The following AREL1 variants were observed in gnomAD, a reference collection of about 807,000 sequenced individuals.
AREL1 encodes apoptosis resistant E3 ubiquitin protein ligase 1.
Under a neutral mutation model 99.0 loss-of-function variants are expected in AREL1, and 62 were observed. The observed-to-expected ratio is 0.63, with a 90% CI of 0.51 to 0.77. The LOEUF is 0.77. Among genes scored for constraint, AREL1 ranks in the 30% least tolerant of loss-of-function variants. The pLI, the probability that AREL1 is intolerant of heterozygous loss-of-function variation, is 0.00. For synonymous variants in AREL1, 380 were observed against 376.5 expected (o/e 1.01, Z -0.11); for missense variants, 879 against 1,027.6 (o/e 0.86, Z 1.98).
Position 74,667,511 on chromosome 14 carries a change from A to G in AREL1, c.1998T>C (p.Tyr666=). 6.2e-7 allele frequency: 1 copy of G among 1,613,872 alleles called. No individual in the cohort carries two copies. The highest frequency in any genetic ancestry group is 8.5e-7 in the Non-Finnish European group (1 of 1,179,882). Residue 666 remains tyrosine (Y), a synonymous_variant, in exon 16 of 20, where the codon TAT becomes TAC. Coordinates refer to ENST00000356357, the MANE Select transcript of AREL1 (RefSeq NM_001039479.2). The stretch of plus-strand genomic sequence containing the variant: ...CCTCTTTCACTTGACTGGCCAGCCG[A>G]TATTGGGCCAGCAAATTTAAATAGA... ...KIFYLNLLAQ[Y]RLASQVKEEV...
intron 1 of AREL1, among the ~76,000 whole-genome samples, chr14:74,694,199 T>A (rs2089936644): frequency 6.6e-6 from 1 of 151,700 alleles, no homozygotes; most frequent in Non-Finnish European, 1.5e-5. Flanking sequence ...AATAAATAAA[T>A]AAATAATGCC....
chr14:74,670,447 A>C (rs1315945903), intron 13 of AREL1, among the ~76,000 whole-genome samples: 1 of 152,182 alleles, frequency 6.6e-6, no homozygotes, highest in Admixed American at 6.5e-5. Flanking sequence ...CTAGACAAAG[A>C]TCTAGTACAG....
In AREL1 at chr14:74,713,073, G is replaced by T. The variant is rs760219444; in HGVS notation, c.-474C>A. On this transcript the variant is annotated 5_prime_UTR_variant, in exon 1 of 20. Coordinates refer to ENST00000356357, the MANE Select transcript of AREL1 (RefSeq NM_001039479.2). ...CTCCACCCGGCCTGGGAACCGGCTC[G>T]GGGGATTGCCCTTTCCCCAAGGAGT... 4 of 1,577,266 alleles carry T rather than the reference G, an allele frequency of 2.5e-6. No individual in the cohort carries two copies. Among genetic ancestry groups the T allele is most frequent in the Non-Finnish European group, 2.6e-6 (3 of 1,148,746 alleles).
Position 74,664,181 on chromosome 14 carries a change from G to A in AREL1, c.2194-107C>T, listed in dbSNP as rs144965485. 48 of 1,245,746 alleles carry A rather than the reference G, an allele frequency of 3.9e-5. No homozygotes were observed. In the East Asian group the frequency reaches 4.3e-4, roughly 11 times the overall value. 77.2% of individuals were successfully genotyped at this position (1,245,746 alleles called of 1,614,324 possible). ...AAAGTGGGGCTGTGCCCCAGTTACC[G>A]TTCTATGAGGACACAGGGTAGGAAC... On this transcript the variant is annotated intron_variant, in intron 18 of 19. Coordinates refer to ENST00000356357, the MANE Select transcript of AREL1 (RefSeq NM_001039479.2).
chr14:74,677,194 C>A (rs1254481670), intron 5 of AREL1, among the ~76,000 whole-genome samples: 2 of 151,698 alleles, frequency 1.3e-5, no homozygotes, highest in Non-Finnish European at 2.9e-5. Context: ...GGATAAATAA[C>A]ACTATCAAGA....
intron 2 of AREL1, 36 bp from the exon 3 acceptor site, chr14:74,685,696 ACT>A: frequency 1.3e-6 from 2 of 1,572,458 alleles, no homozygotes; most frequent in South Asian, 2.2e-5. Context: ...TTTGTCTCCA[ACT>A]CTGCCTCATA....
In AREL1 at chr14:74,662,062, G is replaced by A. The variant is rs2089092871; in HGVS notation, c.*1658C>T. 1 of 152,936 alleles carries A rather than the reference G, an allele frequency of 6.5e-6. No homozygotes were observed. Among genetic ancestry groups the A allele is most frequent in the African/African-American group, 2.4e-5 (1 of 41,460 alleles). The allele number at this position is 152,936 out of a possible 1,614,324, so 9.5% of individuals were successfully genotyped here. A position where few individuals can be genotyped will look rare whatever the true frequency, so the allele number is the denominator to read the frequency against. ...GCAGCAGCACCTTGTCCTGGTCCCT[G>A]AGGAGAGCAGTGACCATGTGGCATG... is the stretch of plus-strand genomic sequence containing the variant. On this transcript the variant is annotated 3_prime_UTR_variant, in exon 20 of 20. Coordinates refer to ENST00000356357, the MANE Select transcript of AREL1 (RefSeq NM_001039479.2).
Position 74,673,961 on chromosome 14 carries a change from G to GA in AREL1, c.1158+72dup, listed in dbSNP as rs1228088288. ...GCAGAAACACTAAAAGTGCTTCTGA[G>GA]AAAAAATAAAAGGCTGAGATAGTCC... is the stretch of plus-strand genomic sequence containing the variant. On this transcript the variant is annotated intron_variant, in intron 9 of 19. Transcript: ENST00000356357. The GA allele has an allele frequency of 4.4e-5, 60 of 1,359,896 alleles. No individual in the cohort carries two copies. In the African/African-American group the frequency reaches 8.1e-4, roughly 18 times the overall value. The allele number at this position is 1,359,896 out of a possible 1,614,324, so 84.2% of individuals were successfully genotyped here.
At chr14:74,700,432 G>A (rs1266723018) in intron 1 of AREL1, among the ~76,000 whole-genome samples, 1 of 152,108 alleles carries the variant, frequency 6.6e-6, no homozygotes, top group Admixed American at 6.5e-5. Flanking sequence ...TTCCAGAAGG[G>A]GGGAAAAAGA....
chr14:74,672,084 T>C (rs577930011), intron 11 of AREL1: 3 of 416,096 alleles, frequency 7.2e-6, no homozygotes, highest in East Asian at 7.7e-5. Flanking sequence ...CAGGTGTTCC[T>C]TTTCCATCAG....
intron 5 of AREL1, among the ~76,000 whole-genome samples, chr14:74,677,981 T>C (rs1223803047): frequency 6.6e-6 from 1 of 152,106 alleles, no homozygotes; most frequent in Non-Finnish European, 1.5e-5. Context: ...AATGGAGACA[T>C]GTTTATGGAA....
At position 74,670,106 on chromosome 14, in the gene AREL1, G is replaced by C. The variant is rs774670383; in HGVS notation, c.1629C>G (p.Arg543=). The change falls in exon 14 of 20, where the codon CGC becomes CGG. Residue 543 remains arginine, a synonymous_variant. Coordinates refer to ENST00000356357, the MANE Select transcript of AREL1 (RefSeq NM_001039479.2). ...NQALVHPNPN[R]PAHLRLKMYE... ...ACATTTTCAGGCGCAGATGAGCGGG[G>C]CGATTAGGGTTGGGATGCACCTGTC... 5 of 1,611,294 alleles carry C rather than the reference G, an allele frequency of 3.1e-6. No homozygotes were observed. The South Asian group carries it at 4.4e-5, about 14-fold the overall frequency.
chr14:74,683,769 T>C (rs948486179), intron 4 of AREL1, among the ~76,000 whole-genome samples: 4 of 152,152 alleles, frequency 2.6e-5, no homozygotes, highest in African/African-American at 9.7e-5. Context: ...AGGACAAGGG[T>C]AGAATTTACC....
Position 74,661,405 on chromosome 14 carries a change from C to T in AREL1, c.*2315G>A, listed in dbSNP as rs2089073563. 6.7e-6 allele frequency: 3 copies of T among 449,522 alleles called. No homozygotes were observed. Among genetic ancestry groups the T allele is most frequent in the Admixed American group, 2.4e-5 (1 of 41,564 alleles). The allele number at this position is 449,522 out of a possible 1,614,324, so 27.8% of individuals were successfully genotyped here. A position where few individuals can be genotyped will look rare whatever the true frequency, so the allele number is the denominator to read the frequency against. ...ATGCTGACACTCTCCTAGGTATTCA[C>T]TCATGTCTGGTCTCCTTCAAAGACG... On this transcript the variant is annotated 3_prime_UTR_variant, in exon 20 of 20. Transcript: ENST00000356357.
chr14:74,685,752 A>T, intron 2 of AREL1, 92 bp from the exon 3 acceptor site: 4 of 1,078,094 alleles, frequency 3.7e-6, no homozygotes, highest in Non-Finnish European at 5.5e-6. Flanking sequence ...GCGTGAGCCA[A>T]ACAACTCTCT....
rs746043990 is a variant in AREL1, at chr14:74,674,089, T to C, written c.1103A>G (p.Tyr368Cys). The C allele has an allele frequency of 4.3e-6, 7 of 1,613,670 alleles. No individual in the cohort carries two copies. The highest frequency in any genetic ancestry group is 8.5e-7 in the Non-Finnish European group (1 of 1,179,754). Residue 368 changes from tyrosine (Y) to cysteine (C), a missense_variant, in exon 9 of 20, where the codon TAC (tyrosine) becomes TGC (cysteine). Physicochemically the swap from Tyr to Cys is radical, Grantham distance 194. Coordinates refer to ENST00000356357, the MANE Select transcript of AREL1 (RefSeq NM_001039479.2). Reference sequence around the variant, plus strand: ...AAGGCGCCAGGGGATGATCTTCAGGTAGAACTCCTTCACTGAGAATTGCTG... The same window carrying C: ...AAGGCGCCAGGGGATGATCTTCAGGCAGAACTCCTTCACTGAGAATTGCTG... ...SPKQFSVKEF[Y>C]LKIIPWRLYT...
In AREL1 at chr14:74,672,810, CAG is replaced by C. The variant is rs750896343; in HGVS notation, c.1422+19_1422+20del. 1 of 1,613,836 alleles carries C rather than the reference CAG, an allele frequency of 6.2e-7. No homozygotes were observed. Among genetic ancestry groups the C allele is most frequent in the Non-Finnish European group, 8.5e-7 (1 of 1,179,854 alleles). ...ATTGGAAAACTTTGGTATCTGCTGA[CAG>C]AGATGAAATTTTACCTACCGATTCC... On this transcript the variant is annotated intron_variant, in intron 11 of 19. Transcript: ENST00000356357.
intron 18 of AREL1, 82 bp downstream of exon 18, chr14:74,664,754 C>T (rs1159411348): frequency 2.6e-5 from 32 of 1,223,854 alleles, no homozygotes; most frequent in South Asian, 1.7e-4. Context: ...CCACTGCGCC[C>T]GGCCTCCTCT....
chr14:74,707,332 C>T (rs1295499409), intron 1 of AREL1, among the ~76,000 whole-genome samples: 1 of 150,826 alleles, frequency 6.6e-6, no homozygotes, highest in South Asian at 2.1e-4. Context: ...GGTGCCATTG[C>T]ACTCCAGCCT....
Sources: allele counts gnomAD v4.1 joint callset (sites outside exome capture counted in the v4.1 genomes callset), GRCh38; gene constraint gnomAD v4.1.1; transcripts MANE v1.5; gene names NCBI Gene and HGNC (gene_info 2026-07-23, HGNC 2026-07-21).